Variants in TRPM5 observed in about 807,000 individuals in gnomAD.
TRPM5 encodes MLSN1 and TRP-related.
In TRPM5, 121 loss-of-function variants were observed where a neutral mutation model predicts 124.9. The ratio of observed to expected loss-of-function variants is 0.97; its 90% CI spans 0.84 to 1.13. The LOEUF is 1.13. Ranked by LOEUF, TRPM5 falls within the 50% of genes most tolerant of loss-of-function variation. The pLI, the probability that TRPM5 is intolerant of heterozygous loss-of-function variation, is 0.00. For synonymous variants in TRPM5, 781 were observed against 700.5 expected (o/e 1.11, Z -1.81); for missense variants, 1,643 against 1,589.1 (o/e 1.03, Z -0.58).
exon 24 of TRPM5, chr11:2,404,728 A>G (rs1414729741): frequency 4.5e-5 from 25 of 557,456 alleles, no homozygotes; most frequent in Middle Eastern, 4.7e-4. Flanking sequence ...AGACAGCCCC[A>G]TGACACTGCT....
intron 18 of TRPM5, among the ~76,000 whole-genome samples, chr11:2,409,167 T>C (rs1257189740): frequency 3.3e-5 from 5 of 152,104 alleles, no homozygotes; most frequent in African/African-American, 9.7e-5. Context: ...TGTCTGTGTG[T>C]GCACTGGCAG....
rs147252540 is a variant in TRPM5, at chr11:2,411,532, C to T, written c.2608-6G>A. The T allele has an allele frequency of 3.0e-5, 49 of 1,607,568 alleles. No homozygotes were observed. The East Asian group carries it at 3.8e-4, about 12-fold the overall frequency. On this transcript the variant is annotated splice_region_variant and splice_polypyrimidine_tract_variant and intron_variant, in intron 17 of 23. Transcript: ENST00000155858. ...AAGAAGAAGACGTCCTTCATCTCCA[C>T]GGGGCAGGGGCAGAGAGAGGGACGT...
chr11:2,414,994 G>C, exon 10 of TRPM5: 1 of 1,606,174 alleles, frequency 6.2e-7, no homozygotes, highest in Non-Finnish European at 8.5e-7. Flanking sequence ...CGCTCTTCTG[G>C]TTCAGGTCCA....
intron 23 of TRPM5, 28 bp from the exon 29 acceptor site, chr11:2,405,071 G>A (rs755415501): frequency 3.3e-5 from 53 of 1,593,660 alleles, no homozygotes; most frequent in African/African-American, 8.0e-5. Flanking sequence ...CCCCCTGAGC[G>A]GTGGGAACCA....
chr11:2,422,288 C>T lies in TRPM5; in HGVS notation c.151G>A (p.Val51Met), dbSNP rs200809800. ...TCAGCAAGCAGCAGGTCAAAGAGCA[C>T]AGACGGGGCCACTCCGCTCGGCACC... Residue 51 changes from valine to methionine, a missense_variant, in exon 2 of 24, where the codon GTG (valine) becomes ATG (methionine). Coordinates refer to ENST00000155858, the Ensembl canonical transcript of TRPM5. 2.2e-5 allele frequency: 36 copies of T among 1,612,012 alleles called. No homozygotes were observed. Among genetic ancestry groups the T allele is most frequent in the Non-Finnish European group, 2.8e-5 (33 of 1,179,608 alleles).
chr11:2,425,629 A>AGTCCTCACCCTGGGCGGGGG (rs1554956527), upstream of TRPM5, among the ~76,000 whole-genome samples: 270 of 150,758 alleles, frequency 1.8e-3, 2 homozygotes, highest in African/African-American at 6.4e-3. Context: ...CCTGGGCGGG[A>AGTCCTCACCCTGGGCGGGGG]GTCCTCACCC....
At chr11:2,431,555 C>G in the TRPM5 span, among the ~76,000 whole-genome samples, 29 of 152,324 alleles carry the variant, frequency 1.9e-4, no homozygotes, top group Non-Finnish European at 7.3e-5. Flanking sequence ...CCAGCCACCC[C>G]TGGTTCAGTA....
the TRPM5 span, among the ~76,000 whole-genome samples, chr11:2,433,639 G>A: frequency 6.6e-6 from 1 of 152,268 alleles, no homozygotes. Flanking sequence ...ACTGAAGGGT[G>A]CGTAAGGCCT....
In TRPM5 at chr11:2,411,622, C is replaced by T. The variant is rs149788787; in HGVS notation, c.2607+13G>A. Reference sequence around the variant, plus strand: ...TCCCTCCAGGGCCAGGGCCAGGGCCCCCGGGGGCTCACCATGCGCTCTACC... The same window carrying T: ...TCCCTCCAGGGCCAGGGCCAGGGCCTCCGGGGGCTCACCATGCGCTCTACC... On this transcript the variant is annotated intron_variant, in intron 17 of 23. Transcript: ENST00000155858. The T allele has an allele frequency of 9.0e-3, 14,567 of 1,610,714 alleles. 84 individuals carry two copies. The highest frequency in any genetic ancestry group is 0.011 in the Non-Finnish European group (12,999 of 1,179,370).
chr11:2,436,813 C>T, the TRPM5 span, among the ~76,000 whole-genome samples: 1 of 152,236 alleles, frequency 6.6e-6, no homozygotes, highest in East Asian at 1.9e-4. Context: ...GGGAGCTTCC[C>T]CAGAACAGGG....
At chr11:2,427,427 T>A (rs943621373), upstream of TRPM5, among the ~76,000 whole-genome samples, 1 of 152,052 alleles carries the variant, frequency 6.6e-6, no homozygotes, top group Non-Finnish European at 1.5e-5. Flanking sequence ...CTCTCAAGCC[T>A]CTCCTCCTCC....
At chr11:2,425,281 G>A (rs1041017931), upstream of TRPM5, among the ~76,000 whole-genome samples, 3 of 152,210 alleles carry the variant, frequency 2.0e-5, no homozygotes, top group Non-Finnish European at 4.4e-5. Flanking sequence ...GCAGGGCCGT[G>A]CTCCCCCTGG....
the TRPM5 span, among the ~76,000 whole-genome samples, chr11:2,437,381 T>G: frequency 6.6e-6 from 1 of 152,148 alleles, no homozygotes; most frequent in African/African-American, 2.4e-5. This position sits in a 1 kb window ranked among gnomAD's most constrained non-coding sequence, Gnocchi z 5.6. Context: ...CTGGCTTCAG[T>G]GTGCATGTGG....
upstream of TRPM5, among the ~76,000 whole-genome samples, chr11:2,423,653 G>A (rs1416023852): frequency 2.0e-5 from 3 of 152,200 alleles, no homozygotes; most frequent in African/African-American, 7.2e-5. Flanking sequence ...CACAGCATCA[G>A]CAGCAGAGCT....
Position 2,418,373 on chromosome 11 carries a change from G to C in TRPM5, c.715-15C>G, listed in dbSNP as rs1007654168. The C allele has an allele frequency of 6.5e-7, 1 of 1,542,580 alleles. No homozygotes were observed. Among genetic ancestry groups the C allele is most frequent in the African/African-American group, 1.4e-5 (1 of 73,114 alleles). The stretch of plus-strand genomic sequence containing the variant: ...CTGGAGATCCTCTGAGACGGGGAGG[G>C]AGGGGAGAGCGGACCCCAGATTAGC... On this transcript the variant is annotated splice_polypyrimidine_tract_variant and intron_variant, in intron 5 of 23. Coordinates refer to ENST00000155858, the Ensembl canonical transcript of TRPM5.
chr11:2,414,110 A>T (rs1349497272), exon 12 of TRPM5: 2 of 1,590,882 alleles, frequency 1.3e-6, no homozygotes, highest in Non-Finnish European at 1.7e-6. Context: ...CTCGGTGGCC[A>T]GGTGCAGGCA....
intron 21 of TRPM5, among the ~76,000 whole-genome samples, 185 bp downstream of exon 26, chr11:2,406,476 A>G (rs1023001085): frequency 6.6e-6 from 1 of 152,120 alleles, no homozygotes; most frequent in Non-Finnish European, 1.5e-5. Flanking sequence ...TTGCCTGGCC[A>G]GGCGTCCCAG....
At chr11:2,407,222 G>C (rs150296155) in exon 20 of TRPM5, 30 of 1,611,820 alleles carry the variant, frequency 1.9e-5, no homozygotes, top group Non-Finnish European at 2.5e-5. Flanking sequence ...CGGGGCGCTC[G>C]TGGTACTCCA....
At position 2,407,748 on chromosome 11, in the gene TRPM5, G is replaced by T; in HGVS notation, c.2936+11C>A. 1 of 1,612,942 alleles carries T rather than the reference G, an allele frequency of 6.2e-7. No homozygotes were observed. Among genetic ancestry groups the T allele is most frequent in the Non-Finnish European group, 8.5e-7 (1 of 1,179,644 alleles). On this transcript the variant is annotated intron_variant, in intron 19 of 23. Coordinates refer to ENST00000155858, the Ensembl canonical transcript of TRPM5. Reference sequence around the variant, plus strand: ...CCAGGGCTCTCTCCTCCAGGGGTTGGGTGGAGTCACCTGAACATGGCGATG... The same window carrying T: ...CCAGGGCTCTCTCCTCCAGGGGTTGTGTGGAGTCACCTGAACATGGCGATG...
Sources: gnomAD v4.1 joint callset for allele counts (sites outside exome capture counted in the v4.1 genomes callset) on GRCh38, gnomAD v4.1.1 for gene constraint, Gnocchi (gnomAD v3.1) non-coding constraint, MANE v1.5 for transcripts, NCBI Gene and HGNC (gene_info 2026-07-23, HGNC 2026-07-21) for gene names.